The following DDHD2 variants were observed in gnomAD, a reference collection of about 807,000 sequenced individuals.
The protein encoded by DDHD2 is triacylglycerol hydrolase DDHD2.
DDHD2 carries 62 observed loss-of-function variants against 91.2 expected under a neutral mutation model. That is an observed-to-expected ratio of 0.68 (90% CI 0.55 to 0.84). The LOEUF is 0.84. Among genes scored for constraint, DDHD2 ranks in the 40% least tolerant of loss-of-function variants. The probability of loss-of-function intolerance (pLI) is 0.00; values close to 1 mark genes in which losing one functional copy is unlikely to be tolerated. For synonymous variants in DDHD2, 271 were observed against 293.9 expected (o/e 0.92, Z 0.80); for missense variants, 740 against 846.9 (o/e 0.87, Z 1.57).
At chr8:38,238,726 T>C (rs1805003865) in intron 5 of DDHD2, 4 of 933,884 alleles carry the variant, frequency 4.3e-6, no homozygotes, top group Non-Finnish European at 5.1e-6. Flanking sequence ...TTTCAGGCTT[T>C]AAAAACATAC....
intron 16 of DDHD2, among the ~76,000 whole-genome samples, chr8:38,254,026 T>C (rs574807498): frequency 1.5e-4 from 22 of 151,022 alleles, no homozygotes; most frequent in South Asian, 4.2e-4. Context: ...CAGTGAGCCA[T>C]GATCACACCA....
At chr8:38,269,402 G>C (rs1247531321) in intron 1 of DDHD2, among the ~76,000 whole-genome samples, 1 of 152,262 alleles carries the variant, frequency 6.6e-6, no homozygotes, top group African/African-American at 2.4e-5. Flanking sequence ...CGTTCAGCAG[G>C]GAGCCAGCGC....
downstream of DDHD2, chr8:38,263,036 T>TCACTTAGGGCGGATGGGGAATTCA (rs1807153394): frequency 6.6e-6 from 1 of 152,232 alleles, no homozygotes. Context: ...AGCAGTTGAA[T>TCACTTAGGGCGGATGGGGAATTCA]CACTTAGGGC....
downstream of DDHD2, among the ~76,000 whole-genome samples, chr8:38,265,784 T>TTA (rs1223452054): frequency 6.6e-6 from 1 of 152,230 alleles, no homozygotes; most frequent in African/African-American, 2.4e-5. Flanking sequence ...TTTGGTTTAA[T>TTA]TATAATTTTA....
At chr8:38,256,773 AC>A (rs1181036021) in intron 16 of DDHD2, among the ~76,000 whole-genome samples, 2 of 152,176 alleles carry the variant, frequency 1.3e-5, no homozygotes, top group Non-Finnish European at 2.9e-5. Flanking sequence ...CTTTACATGG[AC>A]ATATTCTTGG....
At position 38,252,946 on chromosome 8, in the gene DDHD2, A is replaced by G. The variant is rs774373685; in HGVS notation, c.1721-11A>G. 82 of 1,613,186 alleles carry G rather than the reference A, an allele frequency of 5.1e-5. No homozygotes were observed. The highest frequency in any genetic ancestry group is 1.6e-4 in the Middle Eastern group (1 of 6,080). ...GTAAATCATTTAATGTTCTTTATTT[A>G]TATGTTTCAGAACTGAGAGAGGGCT... On this transcript the variant is annotated splice_polypyrimidine_tract_variant and intron_variant, in intron 14 of 17. Coordinates refer to ENST00000397166, the MANE Select transcript of DDHD2 (RefSeq NM_015214.3).
intron 8 of DDHD2, 133 bp from the exon 9 acceptor site, chr8:38,246,100 G>A: frequency 9.0e-7 from 1 of 1,105,432 alleles, no homozygotes; most frequent in Non-Finnish European, 1.4e-6. Context: ...AAGGGTGGCG[G>A]TAAATTGGAA....
intron 16 of DDHD2, among the ~76,000 whole-genome samples, chr8:38,258,702 GT>G (rs1806731995): frequency 6.6e-6 from 1 of 152,238 alleles, no homozygotes; most frequent in African/African-American, 2.4e-5. Context: ...ATATGAGTTT[GT>G]GGGAGATGAG....
At chr8:38,271,676 C>T (rs1231031523), downstream of DDHD2, 1 of 152,186 alleles carries the variant, frequency 6.6e-6, no homozygotes, top group Non-Finnish European at 1.5e-5. Flanking sequence ...CCAACTTGGA[C>T]AACTGGGGGA....
Position 38,268,852 on chromosome 8 carries a change from A to G in DDHD2, n.88-2270A>G, listed in dbSNP as rs771852603. On this transcript the variant is annotated intron_variant and non_coding_transcript_variant, in intron 1 of 1. Transcript: ENST00000526071. The stretch of plus-strand genomic sequence containing the variant: ...GCCCGCGGGAAGCCGGGTCATGGGG[A>G]GGGAGGAAAGACGATCTTTCTCCAC... 6 of 1,525,036 alleles carry G rather than the reference A, an allele frequency of 3.9e-6. No individual in the cohort carries two copies. The Admixed American group carries it at 6.9e-5, about 18-fold the overall frequency. 94.5% of individuals were successfully genotyped at this position (1,525,036 alleles called of 1,614,324 possible). A position where few individuals can be genotyped will look rare whatever the true frequency, so the allele number is the denominator to read the frequency against.
Position 38,240,374 on chromosome 8 carries a change from C to G in DDHD2, c.712+10C>G. 1 of 1,583,000 alleles carries G rather than the reference C, an allele frequency of 6.3e-7. No individual in the cohort carries two copies. The highest frequency in any genetic ancestry group is 1.1e-5 in the South Asian group (1 of 88,426). On this transcript the variant is annotated intron_variant, in intron 6 of 17. Coordinates refer to ENST00000397166, the MANE Select transcript of DDHD2 (RefSeq NM_015214.3). The stretch of plus-strand genomic sequence containing the variant: ...AGCATTGTACAGTGTGGTAGGTTTG[C>G]AAAGCATGTGAGAGAATATTAATCA...
At chr8:38,254,861 C>T (rs1026833931) in intron 16 of DDHD2, among the ~76,000 whole-genome samples, 6 of 151,826 alleles carry the variant, frequency 4.0e-5, no homozygotes, top group African/African-American at 1.5e-4. Context: ...GCACCCTAGC[C>T]TGAGTGACAG....
At chr8:38,255,151 G>A (rs1447853540) in intron 16 of DDHD2, among the ~76,000 whole-genome samples, 1 of 148,228 alleles carries the variant, frequency 6.7e-6, no homozygotes, top group East Asian at 2.0e-4. Context: ...GCGAGATCAC[G>A]GCCACCGCAG....
intron 7 of DDHD2, among the ~76,000 whole-genome samples, chr8:38,243,623 C>T (rs1805405291): frequency 6.6e-6 from 1 of 151,924 alleles, no homozygotes; most frequent in South Asian, 2.1e-4. Flanking sequence ...TTATCTTAGA[C>T]ATCCTGTAAT....
intron 7 of DDHD2, among the ~76,000 whole-genome samples, chr8:38,243,603 CA>C (rs1805404515): frequency 6.6e-6 from 1 of 151,952 alleles, no homozygotes; most frequent in African/African-American, 2.4e-5. Flanking sequence ...CCTTCATCAC[CA>C]TATGATTTTT....
intron 14 of DDHD2, 42 bp downstream of exon 14, chr8:38,252,866 C>G (rs1806220610): frequency 1.2e-6 from 2 of 1,606,010 alleles, no homozygotes; most frequent in African/African-American, 2.7e-5. Context: ...GACCTTTTGG[C>G]CAGTGCAAAG....
At chr8:38,232,932 T>C (rs1804402824) in intron 1 of DDHD2, 55 bp from the exon 2 acceptor site, 3 of 1,250,922 alleles carry the variant, frequency 2.4e-6, no homozygotes, top group South Asian at 1.3e-5. Flanking sequence ...CGTGTGTGTG[T>C]GCGAACAGTT....
rs112156626 is a variant in DDHD2, at chr8:38,254,041, A to T, written c.2054+323A>T. Among the ~76,000 whole-genome samples the T allele has an allele frequency of 1.6e-3, 235 of 149,988 alleles. 1 individual carries two copies. Among genetic ancestry groups the T allele is most frequent in the African/African-American group, 5.4e-3 (220 of 40,722 alleles). On this transcript the variant is annotated intron_variant, in intron 16 of 17. Transcript: ENST00000397166. Reference sequence around the variant, plus strand: ...CAGTGAGCCATGATCACACCACTGCACTCTAGCCTGGGTGACAGAGCAAGA... The same window carrying T: ...CAGTGAGCCATGATCACACCACTGCTCTCTAGCCTGGGTGACAGAGCAAGA...
intron 16 of DDHD2, among the ~76,000 whole-genome samples, chr8:38,257,341 C>T (rs1806599203): frequency 6.7e-6 from 1 of 150,158 alleles, no homozygotes; most frequent in South Asian, 2.1e-4. Context: ...CTCTGCCTCC[C>T]AGGTTCAAGC....
Sources: gnomAD v4.1 joint callset for allele counts (sites outside exome capture counted in the v4.1 genomes callset) on GRCh38, gnomAD v4.1.1 for gene constraint, MANE v1.5 for transcripts, NCBI Gene and HGNC (gene_info 2026-07-23, HGNC 2026-07-21) for gene names.